The following COL5A2 variants were observed in gnomAD, a reference collection of about 807,000 sequenced individuals.
COL5A2 encodes collagen alpha-2(V) chain.
A neutral mutation model predicts 208.2 loss-of-function variants in COL5A2; 23 were observed. That is an observed-to-expected ratio of 0.11 (90% CI 0.08 to 0.16). COL5A2 has a LOEUF of 0.16. COL5A2 is among the 10% of genes least tolerant of loss of function. The pLI is 1.00. For missense variants in COL5A2, 1,590 were observed against 1,956.4 expected, an observed-to-expected ratio of 0.81 and a Z score of 3.53; for synonymous variants, 625 against 628.5, an observed-to-expected ratio of 0.99 and a Z score of 0.08.
the COL5A2 span, among the ~76,000 whole-genome samples, chr2:189,348,406 A>G: frequency 6.6e-6 from 1 of 152,172 alleles, no homozygotes; most frequent in Non-Finnish European, 1.5e-5. Context: ...GAAGATGAAC[A>G]AAAGAGACAG....
intron 51 of COL5A2, among the ~76,000 whole-genome samples, chr2:189,037,672 C>T (rs924140800): frequency 6.6e-6 from 1 of 152,108 alleles, no homozygotes; most frequent in Non-Finnish European, 1.5e-5. Context: ...GTACATGCAA[C>T]TAGGGCAGAA....
At chr2:189,210,890 T>C (rs996292977) in intron 1 of COL5A2, among the ~76,000 whole-genome samples, 46 of 152,218 alleles carry the variant, frequency 3.0e-4, no homozygotes, top group African/African-American at 1.1e-3. Context: ...TGGGGATCTA[T>C]GCCAAGTAAT....
chr2:189,342,206 T>A, the COL5A2 span, among the ~76,000 whole-genome samples: 2 of 150,846 alleles, frequency 1.3e-5, no homozygotes, highest in African/African-American at 2.4e-5. Context: ...TCTTTTTTTT[T>A]TTTTTGGAGA....
chr2:189,270,183 A>G, the COL5A2 span, among the ~76,000 whole-genome samples: 2 of 152,186 alleles, frequency 1.3e-5, no homozygotes, highest in South Asian at 4.1e-4. Flanking sequence ...TCAAAAAACC[A>G]GCTCCTGGAT....
the COL5A2 span, among the ~76,000 whole-genome samples, chr2:189,259,295 G>T: frequency 6.6e-6 from 1 of 152,196 alleles, no homozygotes; most frequent in Non-Finnish European, 1.5e-5. Flanking sequence ...GCTATTGTAA[G>T]ATTTTCCATT....
the COL5A2 span, among the ~76,000 whole-genome samples, chr2:189,293,986 G>C: frequency 5.9e-5 from 9 of 151,974 alleles, no homozygotes; most frequent in African/African-American, 2.2e-4. Flanking sequence ...TACTGGTGAG[G>C]CTGAAGCAGG....
intron 49 of COL5A2, 111 bp downstream of exon 49, chr2:189,042,609 A>T: frequency 1.0e-6 from 1 of 997,506 alleles, no homozygotes; most frequent in East Asian, 2.5e-5. Context: ...ACCTCAGAGA[A>T]GATGAGCCAA....
chr2:189,039,022 C>T (rs1276619588), intron 51 of COL5A2, among the ~76,000 whole-genome samples: 1 of 152,120 alleles, frequency 6.6e-6, no homozygotes, highest in Non-Finnish European at 1.5e-5. Flanking sequence ...GCCATACTGA[C>T]TCGTGTGAGA....
chr2:189,392,747 T>C, the COL5A2 span, among the ~76,000 whole-genome samples: 2 of 152,134 alleles, frequency 1.3e-5, no homozygotes, highest in African/African-American at 4.8e-5. Flanking sequence ...ATCATACTCA[T>C]CAAATGGCCC....
At chr2:189,076,970 G>A (rs1042052684) in intron 16 of COL5A2, among the ~76,000 whole-genome samples, 1 of 152,096 alleles carries the variant, frequency 6.6e-6, no homozygotes, top group Non-Finnish European at 1.5e-5. Flanking sequence ...AGCTATTTGG[G>A]TGAGAGTATC....
rs533846715 is a variant in COL5A2 at position 189,035,179 on chromosome 2, C to T, written c.4114-24G>A. 2.9e-5 allele frequency: 46 copies of T among 1,613,506 alleles called. 1 individual carries two copies. In the South Asian group the frequency reaches 4.6e-4, roughly 16 times the overall value. On this transcript the variant is annotated intron_variant, in intron 52 of 53. Coordinates refer to ENST00000374866, the MANE Select transcript of COL5A2 (RefSeq NM_000393.5). The stretch of plus-strand genomic sequence containing the variant: ...AACTAGAAAAACAAAGAGTCTTTGT[C>T]ATACACAAGACTGAAGGGTTTCATA...
At chr2:189,210,216 A>G (rs1576586819) in intron 1 of COL5A2, among the ~76,000 whole-genome samples, 1 of 152,190 alleles carries the variant, frequency 6.6e-6, no homozygotes, top group Non-Finnish European at 1.5e-5. Context: ...TTTTGGAGGA[A>G]ACAAAAAGAA....
intron 1 of COL5A2, among the ~76,000 whole-genome samples, chr2:189,216,041 G>A (rs1689274402): frequency 6.6e-6 from 1 of 151,866 alleles, no homozygotes; most frequent in Non-Finnish European, 1.5e-5. Flanking sequence ...CATGCTATTG[G>A]GCTTTGAGAA....
chr2:189,433,768 T>C, the COL5A2 span, among the ~76,000 whole-genome samples: 1 of 152,188 alleles, frequency 6.6e-6, no homozygotes, highest in Admixed American at 6.5e-5. Flanking sequence ...GAGGAACTGG[T>C]ACCATTCCTT....
the COL5A2 span, among the ~76,000 whole-genome samples, chr2:189,350,375 C>CT: frequency 2.6e-5 from 4 of 152,082 alleles, no homozygotes; most frequent in African/African-American, 9.7e-5. Flanking sequence ...AAATTTAAAA[C>CT]TTTAAGACAT....
At chr2:189,229,183 GT>G (rs1689451755), upstream of COL5A2, among the ~76,000 whole-genome samples, 3 of 151,694 alleles carry the variant, frequency 2.0e-5, no homozygotes, top group South Asian at 6.2e-4. Context: ...TATACAACAA[GT>G]CCACAGTGAA....
At chr2:189,285,372 C>T in the COL5A2 span, among the ~76,000 whole-genome samples, 25 of 152,162 alleles carry the variant, frequency 1.6e-4, no homozygotes, top group Admixed American at 3.9e-4. Flanking sequence ...CTCCTAATTC[C>T]AGGACCTGCA....
At chr2:189,289,158 A>G in the COL5A2 span, among the ~76,000 whole-genome samples, 1 of 152,088 alleles carries the variant, frequency 6.6e-6, no homozygotes. Flanking sequence ...CCTGGCCAAC[A>G]TGGTGAAACC....
chr2:189,048,628 T>A (rs985010182), intron 44 of COL5A2, among the ~76,000 whole-genome samples: 38 of 152,344 alleles, frequency 2.5e-4, no homozygotes, highest in African/African-American at 8.9e-4. Context: ...TCCTTAAAGT[T>A]TTGAAATAAA....
Sources: allele counts gnomAD v4.1 joint callset (sites outside exome capture counted in the v4.1 genomes callset), GRCh38; gene constraint gnomAD v4.1.1; transcripts MANE v1.5; gene names NCBI Gene and HGNC (gene_info 2026-07-23, HGNC 2026-07-21).